IFI16: variants seen among roughly 807,000 people sequenced by gnomAD.
The protein encoded by IFI16 is interferon gamma inducible protein 16, also known as gamma-interferon-inducible protein 16.
IFI16 carries 49 observed loss-of-function variants against 68.4 expected under a neutral mutation model. That is an observed-to-expected ratio of 0.72 (90% CI 0.57 to 0.91). The LOEUF (loss-of-function observed/expected upper bound fraction) is 0.91, where lower values mean the gene tolerates loss of function less well. Among genes scored for constraint, IFI16 ranks in the 40% least tolerant of loss-of-function variants. The pLI is 0.00. For synonymous variants in IFI16, 307 were observed against 315.0 expected (o/e 0.97, Z 0.27); for missense variants, 878 against 942.9 (o/e 0.93, Z 0.90).
chr1:159,014,975 T>A, intron 2 of IFI16, 30 bp downstream of exon 2: 1 of 1,564,898 alleles, frequency 6.4e-7, no homozygotes, highest in East Asian at 2.2e-5. Context: ...ACCCACTCCC[T>A]GCAACCATCC....
chr1:159,018,935 T>C (rs1203450050), intron 5 of IFI16, among the ~76,000 whole-genome samples: 2 of 152,230 alleles, frequency 1.3e-5, no homozygotes, highest in Non-Finnish European at 2.9e-5. Flanking sequence ...CTATGCTAAG[T>C]GATCAAGGAC....
In IFI16 at chr1:159,054,926, G is replaced by C; in HGVS notation, c.*25G>C. On this transcript the variant is annotated 3_prime_UTR_variant, in exon 12 of 12. Coordinates refer to ENST00000295809, the MANE Select transcript of IFI16 (RefSeq NM_001376587.1). Reference sequence around the variant, plus strand: ...AAATCTGGATGTCATTGACGATAATGTTTATGGAGATAAGGTCTAAGTGCC... The same window carrying C: ...AAATCTGGATGTCATTGACGATAATCTTTATGGAGATAAGGTCTAAGTGCC... 5 of 1,385,260 alleles carry C rather than the reference G, an allele frequency of 3.6e-6. No individual in the cohort carries two copies. The highest frequency in any genetic ancestry group is 5.1e-6 in the Non-Finnish European group (5 of 978,066). 85.8% of individuals were successfully genotyped at this position (1,385,260 alleles called of 1,614,324 possible). A position where few individuals can be genotyped will look rare whatever the true frequency, so the allele number is the denominator to read the frequency against.
At position 159,018,633 on chromosome 1, in the gene IFI16, G is replaced by T; in HGVS notation, c.954G>T (p.Gly318=). ...HKQASGNIVY[G]VFMLHKKTVN... Reference sequence around the variant, plus strand: ...AAGCTTCAGGAAATATTGTATATGGGGTATTTATGCTACATAAGGTAAGTC... The same window carrying T: ...AAGCTTCAGGAAATATTGTATATGGTGTATTTATGCTACATAAGGTAAGTC... Residue 318 remains glycine, a synonymous_variant, in exon 5 of 12, where the codon GGG becomes GGT. Coordinates refer to ENST00000295809, the MANE Select transcript of IFI16 (RefSeq NM_001376587.1). 6.2e-7 allele frequency: 1 copy of T among 1,608,952 alleles called. No homozygotes were observed. Among genetic ancestry groups the T allele is most frequent in the Non-Finnish European group, 8.5e-7 (1 of 1,177,472 alleles).
At chr1:159,034,124 AC>A (rs1236817816) in intron 7 of IFI16, among the ~76,000 whole-genome samples, 2 of 152,198 alleles carry the variant, frequency 1.3e-5, no homozygotes, top group African/African-American at 4.8e-5. Context: ...AGACTACAAA[AC>A]AGCAGAATTC....
intron 4 of IFI16, among the ~76,000 whole-genome samples, chr1:159,017,357 G>T (rs1284747779): frequency 6.6e-6 from 1 of 152,064 alleles, no homozygotes; most frequent in Non-Finnish European, 1.5e-5. Flanking sequence ...ACTGAATCTT[G>T]GGTAGGAACA....
chr1:159,008,670 T>G (rs1328022684), upstream of IFI16, among the ~76,000 whole-genome samples: 1 of 152,202 alleles, frequency 6.6e-6, no homozygotes, highest in Non-Finnish European at 1.5e-5. Context: ...GCCAACTCAA[T>G]GTATCCACGT....
chr1:159,054,731 G>A, intron 11 of IFI16, 90 bp from the exon 12 acceptor site: 2 of 656,136 alleles, frequency 3.0e-6, no homozygotes, highest in Non-Finnish European at 5.6e-6. Context: ...GAGATATGGT[G>A]CAGGGGGAGG....
intron 6 of IFI16, among the ~76,000 whole-genome samples, chr1:159,022,065 G>C (rs143666624): frequency 0.017 from 2,496 of 145,602 alleles, 31 homozygotes; most frequent in Non-Finnish European, 0.019. Flanking sequence ...CCGGGTTCAC[G>C]CCATTCTCCT....
intron 6 of IFI16, among the ~76,000 whole-genome samples, chr1:159,032,054 T>C (rs186909677): frequency 6.6e-6 from 1 of 152,328 alleles, no homozygotes; most frequent in African/African-American, 2.4e-5. Context: ...TTGTACATTA[T>C]GGGAAATCAA....
rs1418583238 is a variant in IFI16 at position 159,020,391 on chromosome 1, A to G, written c.1023A>G (p.Gly341=). 2 of 1,611,898 alleles carry G rather than the reference A, an allele frequency of 1.2e-6. No homozygotes were observed. Among genetic ancestry groups the G allele is most frequent in the Admixed American group, 3.3e-5 (2 of 59,762 alleles). The change falls in exon 6 of 12, where the codon GGA becomes GGG. Residue 341 remains glycine (G), a synonymous_variant. Coordinates refer to ENST00000295809, the MANE Select transcript of IFI16 (RefSeq NM_001376587.1). ...TCTACGAAATTCAGGATGATAGAGG[A>G]AAAATGGATGTAGTGGGGACAGGAC... ...TTIYEIQDDR[G]KMDVVGTGQC...
intron 7 of IFI16, among the ~76,000 whole-genome samples, chr1:159,044,187 C>A (rs1044712476): frequency 6.6e-6 from 1 of 152,140 alleles, no homozygotes; most frequent in African/African-American, 2.4e-5. Context: ...TCCCATCTCA[C>A]ATGTGGGAAA....
intron 6 of IFI16, among the ~76,000 whole-genome samples, chr1:159,021,099 A>AT (rs1234270350): frequency 6.6e-6 from 1 of 152,136 alleles, no homozygotes; most frequent in East Asian, 1.9e-4. Flanking sequence ...GTTGTAAATT[A>AT]TTTTTTATTT....
chr1:159,012,387 G>A (rs1652621174), intron 1 of IFI16, among the ~76,000 whole-genome samples: 1 of 152,106 alleles, frequency 6.6e-6, no homozygotes, highest in South Asian at 2.1e-4. Context: ...TCTAAATAGT[G>A]TCTTACTAGA....
At chr1:159,000,513 C>T (rs896280506) in intron 1 of IFI16, 2 of 152,404 alleles carry the variant, frequency 1.3e-5, no homozygotes, top group Non-Finnish European at 2.9e-5. Flanking sequence ...CTGGGAAAGA[C>T]ATCTTCAGAG....
chr1:159,049,242 T>G lies in IFI16; in HGVS notation c.1498-190T>G, dbSNP rs536587333. Among the ~76,000 whole-genome samples the G allele has an allele frequency of 2.4e-4, 36 of 147,026 alleles. 2 individuals carry two copies. The highest frequency in any genetic ancestry group is 3.4e-3 in the Middle Eastern group (1 of 292). ...AGTTATCTGAGTTTTTAATCCTGAC[T>G]GGGATGAGAGAAGGCTGAGTGATAG... On this transcript the variant is annotated intron_variant, in intron 8 of 11. Coordinates refer to ENST00000295809, the MANE Select transcript of IFI16 (RefSeq NM_001376587.1).
At chr1:159,027,775 C>T (rs1038598033) in intron 6 of IFI16, among the ~76,000 whole-genome samples, 2 of 151,936 alleles carry the variant, frequency 1.3e-5, no homozygotes, top group African/African-American at 4.8e-5. Context: ...TGTATATTTT[C>T]AGGTTTTCTA....
intron 6 of IFI16, among the ~76,000 whole-genome samples, chr1:159,021,893 A>G (rs1374155843): frequency 6.9e-6 from 1 of 145,110 alleles, no homozygotes; most frequent in Non-Finnish European, 1.5e-5. Context: ...GGCCATTTAC[A>G]TATCTTCTTT....
intron 8 of IFI16, among the ~76,000 whole-genome samples, chr1:159,048,418 C>A (rs1028569361): frequency 1.3e-5 from 2 of 151,548 alleles, no homozygotes; most frequent in Non-Finnish European, 3.0e-5. Flanking sequence ...GATTCAAATG[C>A]AGCCTTATTG....
intron 6 of IFI16, 144 bp downstream of exon 6, chr1:159,020,673 C>T: frequency 1.9e-6 from 1 of 513,444 alleles, no homozygotes; most frequent in Non-Finnish European, 3.4e-6. Flanking sequence ...TTCACATTTA[C>T]TTTTTTTAAT....
Sources: gnomAD v4.1 joint callset for allele counts (sites outside exome capture counted in the v4.1 genomes callset) on GRCh38, gnomAD v4.1.1 for gene constraint, MANE v1.5 for transcripts, NCBI Gene and HGNC (gene_info 2026-07-23, HGNC 2026-07-21) for gene names.